LPIN2: variants seen among roughly 807,000 people sequenced by gnomAD.
LPIN2 encodes phosphatidate phosphatase LPIN2.
In LPIN2, 55 loss-of-function variants were observed where a neutral mutation model predicts 111.4. The observed-to-expected ratio is 0.49, with a 90% CI of 0.40 to 0.62. The LOEUF is 0.62. LPIN2 is among the 20% of genes least tolerant of loss of function. The probability of loss-of-function intolerance (pLI) is 0.00; values close to 1 mark genes in which losing one functional copy is unlikely to be tolerated. For synonymous variants in LPIN2, 425 were observed against 414.0 expected, an observed-to-expected ratio of 1.03 and a Z score of -0.32; for missense variants, 992 against 1,112.1, an observed-to-expected ratio of 0.89 and a Z score of 1.54.
chr18:2,934,654 T>G (rs920806468), intron 7 of LPIN2, among the ~76,000 whole-genome samples: 2 of 152,242 alleles, frequency 1.3e-5, no homozygotes, highest in East Asian at 3.8e-4. Flanking sequence ...TCCATACATA[T>G]ACTTTGATTT....
chr18:2,928,916 A>C (rs1414003265), intron 10 of LPIN2, 149 bp downstream of exon 10: 5 of 671,418 alleles, frequency 7.4e-6, no homozygotes, highest in African/African-American at 1.8e-5. Context: ...TTGAAGCTTT[A>C]CTTTCACTTC....
chr18:2,917,244 T>TCAAA lies in LPIN2; in HGVS notation c.*3045_*3048dup, dbSNP rs1186917275. The TCAAA allele has an allele frequency of 6.6e-6, 1 of 152,236 alleles. No individual in the cohort carries two copies. The highest frequency in any genetic ancestry group is 1.5e-5 in the Non-Finnish European group (1 of 68,036). 9.4% of individuals were successfully genotyped at this position (152,236 alleles called of 1,614,324 possible). A position where few individuals can be genotyped will look rare whatever the true frequency, so the allele number is the denominator to read the frequency against. On this transcript the variant is annotated 3_prime_UTR_variant, in exon 20 of 20. Coordinates refer to ENST00000677752, the MANE Select transcript of LPIN2 (RefSeq NM_001375808.2). ...AAAGTTTCCCCTCCCTTTCTTACTT[T>TCAAA]CAAACAAAACCAAAAGAGTAGTTTT...
chr18:2,943,563 G>C (rs530089837), intron 4 of LPIN2, among the ~76,000 whole-genome samples: 2 of 152,216 alleles, frequency 1.3e-5, no homozygotes, highest in East Asian at 3.9e-4. Flanking sequence ...CTGTTTAGGG[G>C]AAGACAGCCT....
chr18:2,980,485 G>A (rs548965858), intron 1 of LPIN2, among the ~76,000 whole-genome samples: 2 of 152,278 alleles, frequency 1.3e-5, no homozygotes, highest in East Asian at 3.9e-4. Flanking sequence ...GGTGGACTAA[G>A]GTTTCCTAAC....
chr18:2,930,197 T>G (rs1040963119), intron 9 of LPIN2, among the ~76,000 whole-genome samples: 1 of 152,232 alleles, frequency 6.6e-6, no homozygotes, highest in Non-Finnish European at 1.5e-5. Flanking sequence ...CAATAAACTC[T>G]ACTAGACTAA....
intron 16 of LPIN2, among the ~76,000 whole-genome samples, chr18:2,922,978 CTG>C (rs2077076967): frequency 6.6e-6 from 1 of 152,208 alleles, no homozygotes; most frequent in South Asian, 2.1e-4. Flanking sequence ...GCTGAAGACA[CTG>C]AGATTCTTCA....
chr18:2,919,464 C>G lies in LPIN2; in HGVS notation c.*829G>C, dbSNP rs1418757122. ...TCAGCGCTCTTCCCAGGACCCCACTCAACCGCCTATCTGCATTTCGGAGGC... is the reference window on the plus strand; with the variant it reads ...TCAGCGCTCTTCCCAGGACCCCACTGAACCGCCTATCTGCATTTCGGAGGC... On this transcript the variant is annotated 3_prime_UTR_variant, in exon 20 of 20. Coordinates refer to ENST00000677752, the MANE Select transcript of LPIN2 (RefSeq NM_001375808.2). 2 of 152,352 alleles carry G rather than the reference C, an allele frequency of 1.3e-5. No homozygotes were observed. Among genetic ancestry groups the G allele is most frequent in the Non-Finnish European group, 2.9e-5 (2 of 68,146 alleles). 9.4% of individuals were successfully genotyped at this position (152,352 alleles called of 1,614,324 possible). A position where few individuals can be genotyped will look rare whatever the true frequency, so the allele number is the denominator to read the frequency against.
rs1371575871 is a variant in LPIN2 at position 2,935,598 on chromosome 18, G to C, written c.1169-1148C>G. Among the ~76,000 whole-genome samples, 4 of 152,240 alleles carry C rather than the reference G, an allele frequency of 2.6e-5. No individual in the cohort carries two copies. The South Asian group carries it at 8.3e-4, about 32-fold the overall frequency. ...GATGCAATTTTGGCTTGGGAAACAG[G>C]CCAGCTAAAAAAATATTCTTGGTAC... On this transcript the variant is annotated intron_variant, in intron 7 of 19. Coordinates refer to ENST00000677752, the MANE Select transcript of LPIN2 (RefSeq NM_001375808.2).
In LPIN2 at chr18:2,960,689, C is replaced by T. The variant is rs1264741042; in HGVS notation, c.152G>A (p.Arg51Gln). 2.5e-6 allele frequency: 4 copies of T among 1,614,006 alleles called. No homozygotes were observed. The highest frequency in any genetic ancestry group is 2.5e-6 in the Non-Finnish European group (3 of 1,180,006). Residue 51 changes from arginine to glutamine, a missense_variant, in exon 2 of 20, where the codon CGG becomes CAG. Transcript: ENST00000677752. Reference sequence around the variant, plus strand: ...TCTCAGGACTCCCAGCTTTCCAAACCGAACGTGAAAAGGTGAACACTGATA... The same window carrying T: ...TCTCAGGACTCCCAGCTTTCCAAACTGAACGTGAAAAGGTGAACACTGATA... ...GSYQCSPFHV[R>Q]FGKLGVLRSK...
intron 1 of LPIN2, among the ~76,000 whole-genome samples, chr18:3,011,309 T>C (rs567493819): frequency 6.6e-6 from 1 of 152,352 alleles, no homozygotes; most frequent in Non-Finnish European, 1.5e-5. Flanking sequence ...GACTCTCGAC[T>C]GTGCCATCAA....
intron 8 of LPIN2, among the ~76,000 whole-genome samples, chr18:2,934,132 C>T (rs2077251628): frequency 6.6e-6 from 1 of 152,194 alleles, no homozygotes; most frequent in Non-Finnish European, 1.5e-5. Context: ...TATCTCTCCT[C>T]ATTGTATTGA....
chr18:2,958,744 AT>A (rs1476999176), intron 2 of LPIN2, among the ~76,000 whole-genome samples: 1 of 152,162 alleles, frequency 6.6e-6, no homozygotes, highest in Non-Finnish European at 1.5e-5. Context: ...TAACACAACG[AT>A]TGTGTAGCTT....
chr18:3,012,589 G>A (rs1436579770), intron 1 of LPIN2, among the ~76,000 whole-genome samples: 1 of 152,156 alleles, frequency 6.6e-6, no homozygotes, highest in East Asian at 1.9e-4. Context: ...AGAAACACCA[G>A]CAACTCGGCG....
intron 1 of LPIN2, among the ~76,000 whole-genome samples, chr18:2,992,974 C>CAAAA (rs59159362): frequency 2.1e-5 from 2 of 97,360 alleles, no homozygotes; most frequent in African/African-American, 8.1e-5. Context: ...AGACCCGTCT[C>CAAAA]AAAAAAAAAA....
At position 3,011,367 on chromosome 18, in the gene LPIN2, C is replaced by T. The variant is rs566339463; in HGVS notation, c.-10+1720G>A. Reference sequence around the variant, plus strand: ...TTCATTTCTAGCTTTCTATGGCTACCTCTATCAAAAGTTGGGCATGGAGAT... The same window carrying T: ...TTCATTTCTAGCTTTCTATGGCTACTTCTATCAAAAGTTGGGCATGGAGAT... On this transcript the variant is annotated intron_variant, in intron 1 of 19. Transcript: ENST00000677752. 9.9e-5 allele frequency among the ~76,000 whole-genome samples: 15 copies of T among 152,230 alleles called. No homozygotes were observed. In the South Asian group the frequency reaches 1.7e-3, roughly 17 times the overall value.
chr18:2,946,429 T>C, intron 4 of LPIN2: 1 of 1,450,394 alleles, frequency 6.9e-7, no homozygotes, highest in Non-Finnish European at 9.7e-7. Flanking sequence ...AACCCTTTAA[T>C]GCATCGTGAA....
At chr18:2,968,210 G>A (rs2077839730) in intron 1 of LPIN2, among the ~76,000 whole-genome samples, 1 of 152,106 alleles carries the variant, frequency 6.6e-6, no homozygotes, top group African/African-American at 2.4e-5. Flanking sequence ...CAAACTTCCT[G>A]AATACACCGA....
chr18:2,991,448 C>T (rs2078263769), intron 1 of LPIN2, among the ~76,000 whole-genome samples: 1 of 152,152 alleles, frequency 6.6e-6, no homozygotes, highest in African/African-American at 2.4e-5. Context: ...TTACCAGGCT[C>T]GGCACAGTGG....
chr18:2,952,857 C>T (rs1480048790), intron 3 of LPIN2, among the ~76,000 whole-genome samples: 1 of 152,142 alleles, frequency 6.6e-6, no homozygotes, highest in Non-Finnish European at 1.5e-5. Flanking sequence ...CTATGGAATA[C>T]TGTGCAGCTA....
Sources: allele counts gnomAD v4.1 joint callset (sites outside exome capture counted in the v4.1 genomes callset), GRCh38; gene constraint gnomAD v4.1.1; transcripts MANE v1.5; gene names NCBI Gene and HGNC (gene_info 2026-07-23, HGNC 2026-07-21).